Variants in CFAP161 observed in about 807,000 individuals in gnomAD.
The protein encoded by CFAP161 is cilia- and flagella-associated protein 161.
In CFAP161, 25 loss-of-function variants were observed where a neutral mutation model predicts 29.0. The ratio of observed to expected loss-of-function variants is 0.86; its 90% CI spans 0.63 to 1.20. The LOEUF (loss-of-function observed/expected upper bound fraction) is 1.20. Among genes scored for constraint, CFAP161 ranks in the 50% most tolerant of loss-of-function variants. The pLI is 0.00. For synonymous variants in CFAP161, 116 were observed against 137.4 expected (o/e 0.84, Z 1.09); for missense variants, 367 against 371.9 (o/e 0.99, Z 0.11).
At chr15:81,128,113 G>A (rs1252534712) in intron 2 of CFAP161, among the ~76,000 whole-genome samples, 1 of 152,128 alleles carries the variant, frequency 6.6e-6, no homozygotes, top group East Asian at 1.9e-4. Context: ...GTAAGGCTGT[G>A]GTTTTTGTAG....
intron 5 of CFAP161, among the ~76,000 whole-genome samples, chr15:81,145,204 C>A (rs764656623): frequency 6.6e-6 from 1 of 152,216 alleles, no homozygotes; most frequent in Non-Finnish European, 1.5e-5. Flanking sequence ...GCCAGGTGGA[C>A]CCTGACTTCA....
intron 1 of CFAP161, among the ~76,000 whole-genome samples, chr15:81,102,582 T>A (rs1595906956): frequency 6.6e-6 from 1 of 152,304 alleles, no homozygotes; most frequent in East Asian, 1.9e-4. Flanking sequence ...GTAGAAGGGT[T>A]GCTTGAGTCC....
chr15:81,116,786 G>C (rs1595910688), intron 1 of CFAP161, among the ~76,000 whole-genome samples: 1 of 152,102 alleles, frequency 6.6e-6, no homozygotes, highest in East Asian at 1.9e-4. Flanking sequence ...TAGGGCTTTA[G>C]GAATAGGGCA....
intron 1 of CFAP161, chr15:81,118,164 A>G: frequency 2.0e-6 from 1 of 491,738 alleles, no homozygotes; most frequent in East Asian, 5.1e-5. Context: ...TCAGACCTCC[A>G]AAGATTCTAT....
chr15:81,130,256 C>CA (rs1358085711), upstream of CFAP161, among the ~76,000 whole-genome samples: 3 of 152,166 alleles, frequency 2.0e-5, no homozygotes, highest in Non-Finnish European at 4.4e-5. Flanking sequence ...ACTTTCTTAT[C>CA]ATTTGTGTTT....
chr15:81,138,180 T>C (rs1430885223), intron 4 of CFAP161, 45 bp downstream of exon 4: 1 of 1,468,912 alleles, frequency 6.8e-7, no homozygotes, highest in African/African-American at 1.4e-5. Context: ...GTCATTTCTG[T>C]TGCCCAAAAT....
intron 1 of CFAP161, chr15:81,118,146 A>G: frequency 3.9e-6 from 2 of 515,828 alleles, no homozygotes; most frequent in Non-Finnish European, 7.1e-6. Flanking sequence ...GTTTTTCTGC[A>G]GACATATTCA....
rs768576269 is a variant in CFAP161 at position 81,143,790 on chromosome 15, AC to A, written c.607del (p.Arg203AlafsTer34). 116 of 1,614,048 alleles carry A rather than the reference AC, an allele frequency of 7.2e-5. No homozygotes were observed. The highest frequency in any genetic ancestry group is 8.8e-5 in the Non-Finnish European group (104 of 1,180,032). ...AGGCTGCCTTCCCTGACCCCCAGTTACGCCTGGAATATGAAGGCTTCCCCGT... is the reference window on the plus strand; with the variant it reads ...AGGCTGCCTTCCCTGACCCCCAGTTAGCCTGGAATATGAAGGCTTCCCCGT... ...WQAAFPDPQL[R>X]LEYEGFPVPA... On this transcript the variant is annotated frameshift_variant, in exon 5 of 7. Coordinates refer to ENST00000286732, the MANE Select transcript of CFAP161 (RefSeq NM_173528.4). LOFTEE classifies it high-confidence loss of function.
chr15:81,143,767 G>T lies in CFAP161; in HGVS notation c.583G>T (p.Ala195Ser). ...GGTCTCCCATGTGAACTGCTGGCAG[G>T]CTGCCTTCCCTGACCCCCAGTTACG... Reference protein sequence around the residue: ...DEVSHVNCWQAAFPDPQLRLE... With the variant: ...DEVSHVNCWQSAFPDPQLRLE... The change falls in exon 5 of 7, where the codon GCT (alanine) becomes TCT (serine). Residue 195 changes from alanine to serine, a missense_variant. Physicochemically the swap from Ala to Ser is moderately conservative, Grantham distance 99 (BLOSUM62 1). Transcript: ENST00000286732. 1 of 1,614,136 alleles carries T rather than the reference G, an allele frequency of 6.2e-7. No individual in the cohort carries two copies. The highest frequency in any genetic ancestry group is 8.5e-7 in the Non-Finnish European group (1 of 1,180,008).
intron 1 of CFAP161, among the ~76,000 whole-genome samples, chr15:81,119,491 A>G (rs1474168362): frequency 6.6e-6 from 1 of 152,164 alleles, no homozygotes; most frequent in East Asian, 1.9e-4. Flanking sequence ...AGATTTTAAT[A>G]ACGTTATATA....
intron 1 of CFAP161, among the ~76,000 whole-genome samples, chr15:81,108,041 C>T (rs1016964952): frequency 1.3e-5 from 2 of 152,132 alleles, no homozygotes; most frequent in African/African-American, 2.4e-5. Flanking sequence ...TATCTTCTCC[C>T]ATCAGCTTAA....
upstream of CFAP161, among the ~76,000 whole-genome samples, chr15:81,129,939 G>C (rs1894688015): frequency 7.3e-6 from 1 of 136,650 alleles, no homozygotes; most frequent in South Asian, 2.3e-4. Context: ...ATCTTCTAAT[G>C]TAAGGCTTTT....
intron 1 of CFAP161, among the ~76,000 whole-genome samples, chr15:81,123,386 C>T (rs1357801428): frequency 1.3e-5 from 2 of 152,118 alleles, no homozygotes; most frequent in Non-Finnish European, 2.9e-5. Context: ...TCTTCTGTTC[C>T]ATTGGTCCAT....
intron 5 of CFAP161, among the ~76,000 whole-genome samples, chr15:81,146,504 A>G (rs1403643790): frequency 6.6e-6 from 1 of 152,062 alleles, no homozygotes; most frequent in Non-Finnish European, 1.5e-5. Context: ...ATCTTCTCCA[A>G]TATAACTTTG....
intron 5 of CFAP161, among the ~76,000 whole-genome samples, chr15:81,145,639 T>C (rs1310084450): frequency 2.0e-5 from 3 of 152,222 alleles, no homozygotes; most frequent in African/African-American, 7.2e-5. Flanking sequence ...CAGGCCTCAC[T>C]GAGACATGGT....
chr15:81,112,591 A>G (rs2663922), intron 1 of CFAP161, among the ~76,000 whole-genome samples: 112,467 of 151,992 alleles, frequency 0.74, 42,287 homozygotes, highest in African/African-American at 0.82. Context: ...CCTTGGCTGG[A>G]GGTAGGGAGG....
intron 1 of CFAP161, among the ~76,000 whole-genome samples, chr15:81,113,478 C>CT (rs2141864368): frequency 6.6e-6 from 1 of 152,316 alleles, no homozygotes; most frequent in East Asian, 1.9e-4. Context: ...AGTGCAAGTC[C>CT]TGGGCCACCC....
At chr15:81,111,329 G>T (rs532988456) in intron 1 of CFAP161, among the ~76,000 whole-genome samples, 1 of 152,304 alleles carries the variant, frequency 6.6e-6, no homozygotes, top group African/African-American at 2.4e-5. Context: ...GAAAGGATTT[G>T]CCCATTGCAG....
intron 1 of CFAP161, among the ~76,000 whole-genome samples, chr15:81,116,589 G>A (rs139791278): frequency 8.5e-5 from 13 of 152,306 alleles, no homozygotes; most frequent in East Asian, 3.9e-4. Flanking sequence ...GAGTCACTGC[G>A]CCTGGCCTGG....
Sources: allele counts gnomAD v4.1 joint callset (sites outside exome capture counted in the v4.1 genomes callset), GRCh38; gene constraint gnomAD v4.1.1; transcripts MANE v1.5; gene names NCBI Gene and HGNC (gene_info 2026-07-23, HGNC 2026-07-21).